CYP4F22: variants seen among roughly 807,000 people sequenced by gnomAD.
CYP4F22 encodes cytochrome P450 family 4 subfamily F member 22.
Under a neutral mutation model 60.4 loss-of-function variants are expected in CYP4F22, and 37 were observed. That is an observed-to-expected ratio of 0.61 (90% confidence interval 0.47 to 0.81). CYP4F22 has a LOEUF of 0.81. Ranked by LOEUF, CYP4F22 falls within the 30% of genes least tolerant of loss-of-function variation. The probability of loss-of-function intolerance (pLI) is 0.00; values close to 1 mark genes in which losing one functional copy is unlikely to be tolerated. For synonymous variants in CYP4F22, 258 were observed against 280.5 expected, an observed-to-expected ratio of 0.92 and a Z score of 0.80; for missense variants, 655 against 715.0, an observed-to-expected ratio of 0.92 and a Z score of 0.96.
rs752161673 is a variant in CYP4F22 at position 15,551,279 on chromosome 19, C to A, written c.1419-15C>A. The stretch of plus-strand genomic sequence containing the variant: ...CACAGAAGCTGGGCCTGAGCCCTGT[C>A]CCCTCTTCCTCCAGGAATTGCATCG... On this transcript the variant is annotated splice_polypyrimidine_tract_variant and intron_variant, in intron 13 of 13. Transcript: ENST00000269703. 3.7e-6 allele frequency: 6 copies of A among 1,608,386 alleles called. No homozygotes were observed. The Admixed American group carries it at 1.0e-4, about 27-fold the overall frequency.
intron 1 of CYP4F22, among the ~76,000 whole-genome samples, chr19:15,518,112 G>A (rs1971176032): frequency 6.6e-6 from 1 of 152,086 alleles, no homozygotes; most frequent in South Asian, 2.1e-4. Context: ...TGAGGTGGGA[G>A]GATTGTCTGA....
intron 1 of CYP4F22, among the ~76,000 whole-genome samples, chr19:15,512,802 A>T (rs1971106650): frequency 6.6e-6 from 1 of 152,116 alleles, no homozygotes; most frequent in Non-Finnish European, 1.5e-5. Context: ...TCTTTGTGTC[A>T]TGCAGTAAAC....
At chr19:15,516,145 T>A (rs1971152511) in intron 1 of CYP4F22, 1 of 152,294 alleles carries the variant, frequency 6.6e-6, no homozygotes, top group South Asian at 2.1e-4. Context: ...GTACATTCTA[T>A]GTCTTTGTAC....
chr19:15,535,539 A>G (rs1971385612), intron 4 of CYP4F22, among the ~76,000 whole-genome samples: 1 of 152,194 alleles, frequency 6.6e-6, no homozygotes, highest in Non-Finnish European at 1.5e-5. Context: ...TTCAGTATAT[A>G]GAAGGAGGAT....
In CYP4F22 at chr19:15,543,937, A is replaced by T. The variant is rs201121207; in HGVS notation, c.940-34A>T. Reference sequence around the variant, plus strand: ...CCCCTAGGATGCGGAGGGTGGGATGAAGTGGGCTGAGCACCCTCTACTGCC... The same window carrying T: ...CCCCTAGGATGCGGAGGGTGGGATGTAGTGGGCTGAGCACCCTCTACTGCC... On this transcript the variant is annotated intron_variant, in intron 8 of 13. Coordinates refer to ENST00000269703, the MANE Select transcript of CYP4F22 (RefSeq NM_173483.4). The T allele has an allele frequency of 1.5e-4, 245 of 1,612,032 alleles. No individual in the cohort carries two copies. The African/African-American group carries it at 3.0e-3, about 20-fold the overall frequency.
chr19:15,548,059 G>C (rs755814456), intron 10 of CYP4F22, 49 bp from the exon 11 acceptor site: 1 of 1,591,250 alleles, frequency 6.3e-7, no homozygotes, highest in Non-Finnish European at 8.6e-7. Flanking sequence ...GTTTTGGGGA[G>C]GTGGTGCCAT....
chr19:15,528,911 A>G (rs1293678490), intron 3 of CYP4F22, among the ~76,000 whole-genome samples: 2 of 152,080 alleles, frequency 1.3e-5, no homozygotes, highest in Non-Finnish European at 2.9e-5. Flanking sequence ...ATAAATGCCA[A>G]CCATGATCAT....
chr19:15,549,909 A>G (rs1971575153), intron 12 of CYP4F22, among the ~76,000 whole-genome samples: 1 of 151,960 alleles, frequency 6.6e-6, no homozygotes, highest in Non-Finnish European at 1.5e-5. Context: ...TTGAGGCTGC[A>G]ATGAGCTATG....
intron 8 of CYP4F22, among the ~76,000 whole-genome samples, chr19:15,542,142 A>G (rs1214901467): frequency 6.6e-6 from 1 of 152,194 alleles, no homozygotes; most frequent in African/African-American, 2.4e-5. Context: ...AGGCTGCTCA[A>G]GAAATATGAA....
chr19:15,551,331 C>T lies in CYP4F22; in HGVS notation c.1456C>T (p.Arg486Cys). ...ACAGAGCTTCGCCATGGCCGAGTTG[C>T]GCGTGGTTGTGGCACTAACACTGCT... Reference protein sequence around the residue: ...IGQSFAMAELRVVVALTLLRF... With the variant: ...IGQSFAMAELCVVVALTLLRF... Residue 486 changes from arginine (R) to cysteine (C), a missense_variant, in exon 14 of 14, where the codon CGC (arginine) becomes TGC (cysteine). By Grantham distance (180) the Arg-to-Cys change is radical. Around this residue, in one of 3 missense-constraint regions of CYP4F22, gnomAD observed 151 missense variants for 139.4 expected, o/e 1.08. Coordinates refer to ENST00000269703, the MANE Select transcript of CYP4F22 (RefSeq NM_173483.4). The T allele has an allele frequency of 6.2e-7, 1 of 1,613,384 alleles. No individual in the cohort carries two copies. Among genetic ancestry groups the T allele is most frequent in the Admixed American group, 1.7e-5 (1 of 59,966 alleles).
chr19:15,537,641 C>T lies in CYP4F22; in HGVS notation c.528C>T (p.Asn176=). Residue 176 remains asparagine, a synonymous_variant, in exon 6 of 14, where the codon AAC becomes AAT. Transcript: ENST00000269703. The part of the protein sequence containing the change: ...DILKPYMKIF[N]QSADIMHAKW... ...TGAAGCCTTACATGAAGATCTTCAA[C>T]CAGAGCGCTGACATTATGCATGTGA... The T allele has an allele frequency of 6.2e-7, 1 of 1,613,550 alleles. No homozygotes were observed. The highest frequency in any genetic ancestry group is 8.5e-7 in the Non-Finnish European group (1 of 1,180,042).
intron 1 of CYP4F22, among the ~76,000 whole-genome samples, chr19:15,520,135 C>G (rs897892461): frequency 4.6e-5 from 7 of 151,970 alleles, no homozygotes; most frequent in Non-Finnish European, 8.8e-5. Flanking sequence ...ACGAAGTCAG[C>G]AGATCGAGAC....
Position 15,551,602 on chromosome 19 carries a change from C to T in CYP4F22, c.*131C>T, listed in dbSNP as rs1043640951. The T allele has an allele frequency of 3.9e-5, 46 of 1,177,666 alleles. No homozygotes were observed. In the African/African-American group the frequency reaches 4.7e-4, roughly 12 times the overall value. The allele number at this position is 1,177,666 out of a possible 1,614,324, so 73.0% of individuals were successfully genotyped here. A position where few individuals can be genotyped will look rare whatever the true frequency, so the allele number is the denominator to read the frequency against. On this transcript the variant is annotated 3_prime_UTR_variant, in exon 14 of 14. Transcript: ENST00000269703. ...GGTTCAGCTCCTGGATGACCAGGCACCGCTGTTGAGCAGCCTGGTGGTACT... is the reference window on the plus strand; with the variant it reads ...GGTTCAGCTCCTGGATGACCAGGCATCGCTGTTGAGCAGCCTGGTGGTACT...
chr19:15,539,442 C>T (rs1241070078), intron 7 of CYP4F22, among the ~76,000 whole-genome samples: 1 of 152,182 alleles, frequency 6.6e-6, no homozygotes, highest in African/African-American at 2.4e-5. Context: ...AGTCACCCAT[C>T]GATGGACACT....
In CYP4F22 at chr19:15,509,904, C is replaced by CCTT. The variant is rs1323141197; in HGVS notation, c.-109+1322_-109+1324dup. Among the ~76,000 whole-genome samples, 371 of 86,740 alleles carry CCTT rather than the reference C, an allele frequency of 4.3e-3. 3 individuals carry two copies. Among genetic ancestry groups the CCTT allele is most frequent in the East Asian group, 0.015 (33 of 2,178 alleles). 56.9% of individuals were successfully genotyped at this position (86,740 alleles called of 152,430 possible). A position where few individuals can be genotyped will look rare whatever the true frequency, so the allele number is the denominator to read the frequency against. On this transcript the variant is annotated intron_variant, in intron 1 of 13. Transcript: ENST00000269703. ...TCCTTCCTTCCTTCCTTCCTTCCTT[C>CCTT]CTTTCTTTCTTTCCTTCCTTCTTTC...
chr19:15,537,314 C>T, intron 4 of CYP4F22, 47 bp from the exon 5 acceptor site: 2 of 1,612,024 alleles, frequency 1.2e-6, no homozygotes, highest in Non-Finnish European at 1.7e-6. Flanking sequence ...AAACAAAAAA[C>T]CAAAAAACTC....
intron 1 of CYP4F22, among the ~76,000 whole-genome samples, chr19:15,515,784 C>T (rs184385112): frequency 0.011 from 1,720 of 151,884 alleles, 41 homozygotes; most frequent in African/African-American, 0.039. Context: ...AGGGCAGTGG[C>T]GCGATCTCGG....
chr19:15,551,164 C>T (rs1971590630), intron 13 of CYP4F22, 130 bp from the exon 14 acceptor site: 1 of 1,208,788 alleles, frequency 8.3e-7, no homozygotes, highest in Admixed American at 2.0e-5. Flanking sequence ...AACCCTCACC[C>T]AGCGTGGGGT....
chr19:15,518,262 A>G lies in CYP4F22; in HGVS notation c.-108-5431A>G, dbSNP rs780811285. ...TGAGGTAGGAGGATCTCTGGAGCTC[A>G]AGAGTTTGTGGCTGCAGTGAGCTAT... On this transcript the variant is annotated intron_variant, in intron 1 of 13. Coordinates refer to ENST00000269703, the MANE Select transcript of CYP4F22 (RefSeq NM_173483.4). 2.0e-5 allele frequency among the ~76,000 whole-genome samples: 3 copies of G among 151,966 alleles called. No homozygotes were observed. In the South Asian group the frequency reaches 6.2e-4, roughly 32 times the overall value.
Sources: allele counts gnomAD v4.1 joint callset (sites outside exome capture counted in the v4.1 genomes callset), GRCh38; gene constraint gnomAD v4.1.1; regional missense constraint gnomAD v4.1.1; transcripts MANE v1.5; gene names NCBI Gene and HGNC (gene_info 2026-07-23, HGNC 2026-07-21).